POLK: variants seen among roughly 807,000 people sequenced by gnomAD.
The protein encoded by POLK is polymerase (DNA directed) kappa.
Under a neutral mutation model 94.0 loss-of-function variants are expected in POLK, and 76 were observed. The ratio of observed to expected loss-of-function variants is 0.81; its 90% CI spans 0.67 to 0.98. POLK has a LOEUF of 0.98. Among genes scored for constraint, POLK ranks in the 50% least tolerant of loss-of-function variants. The pLI is 0.00. For synonymous variants in POLK, 349 were observed against 325.4 expected, an observed-to-expected ratio of 1.07 and a Z score of -0.78; for missense variants, 954 against 1,010.1, an observed-to-expected ratio of 0.94 and a Z score of 0.75.
chr5:75,534,212 G>A (rs560791035), intron 1 of POLK, among the ~76,000 whole-genome samples: 1 of 151,622 alleles, frequency 6.6e-6, no homozygotes, highest in African/African-American at 2.4e-5. Context: ...GTTGCAGTGA[G>A]CTGAGATTGT....
At chr5:75,533,051 GAC>G (rs1282656071) in intron 1 of POLK, among the ~76,000 whole-genome samples, 8 of 152,048 alleles carry the variant, frequency 5.3e-5, no homozygotes, top group Non-Finnish European at 1.0e-4. Context: ...TTATTCTGTT[GAC>G]AGTTTCTTTT....
At chr5:75,561,475 T>C (rs1332605685) in intron 3 of POLK, among the ~76,000 whole-genome samples, 1 of 152,240 alleles carries the variant, frequency 6.6e-6, no homozygotes, top group Non-Finnish European at 1.5e-5. Flanking sequence ...ACTCTGCTGA[T>C]AGTTTATTCT....
In POLK at chr5:75,569,484, A is replaced by G. The variant is rs1158571061; in HGVS notation, c.400A>G (p.Ser134Gly). ...TAAACCCATTGCTGTAGGATCAATG[A>G]GTATGCTGGTAAGTAAAGATCAAAT... The change falls in exon 4 of 15, where the codon AGT (serine) becomes GGT (glycine). Residue 134 changes from serine to glycine, a missense_variant. Transcript: ENST00000241436. 1.2e-6 allele frequency: 2 copies of G among 1,610,356 alleles called. No homozygotes were observed. The highest frequency in any genetic ancestry group is 3.4e-5 in the Admixed American group (2 of 59,246).
intron 1 of POLK, among the ~76,000 whole-genome samples, chr5:75,532,280 T>C (rs1395924623): frequency 6.6e-6 from 1 of 152,136 alleles, no homozygotes; most frequent in Non-Finnish European, 1.5e-5. Flanking sequence ...TGTTGTTCCC[T>C]TCTTTGTGTA....
chr5:75,513,711 G>A (rs1768183865), intron 1 of POLK, among the ~76,000 whole-genome samples: 1 of 152,028 alleles, frequency 6.6e-6, no homozygotes, highest in Non-Finnish European at 1.5e-5. Context: ...AGAGTAGTTG[G>A]TATTTCATAG....
At chr5:75,583,880 A>T (rs2112832280) in intron 8 of POLK, among the ~76,000 whole-genome samples, 1 of 152,268 alleles carries the variant, frequency 6.6e-6, no homozygotes. Flanking sequence ...TGTATACTTT[A>T]TTATTTTTTA....
At chr5:75,584,733 T>G in intron 8 of POLK, 27 bp from the exon 9 acceptor site, 2 of 1,289,256 alleles carry the variant, frequency 1.6e-6, no homozygotes, top group Non-Finnish European at 2.1e-6. Flanking sequence ...TAAAATCTAT[T>G]AATAATAAAT....
At chr5:75,530,396 C>CTTTTT (rs201266079) in intron 1 of POLK, among the ~76,000 whole-genome samples, 10 of 61,618 alleles carry the variant, frequency 1.6e-4, no homozygotes, top group African/African-American at 4.0e-4. Context: ...TTCCCTTTTT[C>CTTTTT]TTTTTTTTTT....
At chr5:75,583,295 A>G (rs1301705353) in exon 8 of POLK, 6 of 1,587,764 alleles carry the variant, frequency 3.8e-6, no homozygotes, top group Non-Finnish European at 5.1e-6. Context: ...CTTTTAAGGC[A>G]TTGCCCCAAA....
At chr5:75,590,713 A>G (rs1772739867) in intron 11 of POLK, among the ~76,000 whole-genome samples, 1 of 152,200 alleles carries the variant, frequency 6.6e-6, no homozygotes, top group South Asian at 2.1e-4. Flanking sequence ...TCAGGAGTAC[A>G]TTTGAATAAG....
At chr5:75,558,636 G>A (rs193177285) in intron 3 of POLK, among the ~76,000 whole-genome samples, 27 of 151,932 alleles carry the variant, frequency 1.8e-4, no homozygotes, top group African/African-American at 3.9e-4. Context: ...TAATATTCTC[G>A]CTTGTAACTC....
exon 13 of POLK, chr5:75,596,227 C>T (rs142724854): frequency 1.9e-5 from 29 of 1,555,948 alleles, no homozygotes; most frequent in African/African-American, 1.2e-4. Context: ...TTTAGGTGTT[C>T]GGATATCTAG....
chr5:75,583,507 A>C (rs780543698), intron 8 of POLK, 90 bp downstream of exon 8: 13 of 707,986 alleles, frequency 1.8e-5, no homozygotes, highest in Non-Finnish European at 2.8e-5. Flanking sequence ...TCTTTGCTTA[A>C]AAGTTTTAAA....
chr5:75,574,245 A>G (rs1771748905), intron 5 of POLK, among the ~76,000 whole-genome samples: 1 of 152,108 alleles, frequency 6.6e-6, no homozygotes, highest in African/African-American at 2.4e-5. Flanking sequence ...ATTAATTTCA[A>G]CCTATTGTCT....
intron 1 of POLK, among the ~76,000 whole-genome samples, chr5:75,530,561 C>G (rs1649698875): frequency 1.3e-5 from 2 of 151,558 alleles, no homozygotes; most frequent in South Asian, 4.1e-4. Flanking sequence ...AAGGTACCTA[C>G]TAAATACATA....
At chr5:75,535,699 A>G (rs1474599521) in intron 1 of POLK, among the ~76,000 whole-genome samples, 4 of 151,698 alleles carry the variant, frequency 2.6e-5, no homozygotes, top group African/African-American at 9.7e-5. Flanking sequence ...TCAGAGAGCT[A>G]CTCTTCAAGC....
chr5:75,511,086 G>A (rs1166799876), upstream of POLK: 2 of 1,522,782 alleles, frequency 1.3e-6, no homozygotes, highest in Non-Finnish European at 8.8e-7. Context: ...CTGGCCAGGG[G>A]TCCCTTGGCA....
downstream of POLK, among the ~76,000 whole-genome samples, chr5:75,603,661 A>C (rs1319663776): frequency 2.6e-5 from 4 of 152,090 alleles, no homozygotes; most frequent in East Asian, 5.8e-4. Context: ...TCCATGATGC[A>C]CTCTAAACAC....
At chr5:75,586,403 A>G (rs1209315408) in intron 9 of POLK, among the ~76,000 whole-genome samples, 1 of 152,208 alleles carries the variant, frequency 6.6e-6, no homozygotes, top group Non-Finnish European at 1.5e-5. Context: ...AAGTTCTAGA[A>G]CAGTGCTTGA....
Sources: gnomAD v4.1 joint callset for allele counts (sites outside exome capture counted in the v4.1 genomes callset) on GRCh38, gnomAD v4.1.1 for gene constraint, MANE v1.5 for transcripts, NCBI Gene and HGNC (gene_info 2026-07-23, HGNC 2026-07-21) for gene names.